Variants in CNGB3 observed in about 807,000 individuals in gnomAD.
The protein encoded by CNGB3 is cyclic nucleotide-gated channel beta-3.
A neutral mutation model predicts 92.8 loss-of-function variants in CNGB3; 86 were observed. The ratio of observed to expected loss-of-function variants is 0.93; its 90% CI spans 0.78 to 1.11. The LOEUF (loss-of-function observed/expected upper bound fraction) is 1.11, where lower values mean the gene tolerates loss of function less well. Among genes scored for constraint, CNGB3 ranks in the 50% least tolerant of loss-of-function variants. CNGB3 has a pLI of 0.00. For synonymous variants in CNGB3, 333 were observed against 332.7 expected, an observed-to-expected ratio of 1.00 and a Z score of -0.01; for missense variants, 1,026 against 956.8, an observed-to-expected ratio of 1.07 and a Z score of -0.95.
Position 86,662,475 on chromosome 8 carries a change from C to G in CNGB3, c.852+4450G>C, listed in dbSNP as rs1482924505. Among the ~76,000 whole-genome samples the G allele has an allele frequency of 2.6e-5, 4 of 152,168 alleles. No homozygotes were observed. The South Asian group carries it at 8.3e-4, about 31-fold the overall frequency. On this transcript the variant is annotated intron_variant, in intron 6 of 17. Coordinates refer to ENST00000320005, the MANE Select transcript of CNGB3 (RefSeq NM_019098.5). ...AGGGAAAAGTGAAGTGTGTGGACAA[C>G]CATTCATTTAATTCATTTGACAATC...
chr8:86,642,153 G>A (rs531690915), intron 10 of CNGB3, among the ~76,000 whole-genome samples: 211 of 151,572 alleles, frequency 1.4e-3, no homozygotes, highest in African/African-American at 4.6e-3. Flanking sequence ...ACAGAGAGGC[G>A]TCTAGGTGTA....
At chr8:86,592,504 A>T (rs1181791987) in intron 15 of CNGB3, among the ~76,000 whole-genome samples, 2 of 152,204 alleles carry the variant, frequency 1.3e-5, no homozygotes, top group South Asian at 2.1e-4. Flanking sequence ...TGATGAAGAA[A>T]TGAAGTCTCA....
chr8:86,583,241 AAT>A (rs1821826411), intron 15 of CNGB3, among the ~76,000 whole-genome samples: 1 of 152,142 alleles, frequency 6.6e-6, no homozygotes, highest in East Asian at 1.9e-4. Flanking sequence ...ACAACTGTTT[AAT>A]AAAGTGGTAA....
chr8:86,721,705 G>A (rs929444200), intron 3 of CNGB3, among the ~76,000 whole-genome samples: 2 of 152,136 alleles, frequency 1.3e-5, no homozygotes, highest in South Asian at 4.1e-4. Flanking sequence ...AAATTGGCAA[G>A]TGTGTAGCTG....
At chr8:86,711,134 A>G (rs1448428364) in intron 3 of CNGB3, among the ~76,000 whole-genome samples, 1 of 152,192 alleles carries the variant, frequency 6.6e-6, no homozygotes, top group Non-Finnish European at 1.5e-5. Flanking sequence ...CCCCTTTTCC[A>G]TATGGCAACC....
Position 86,668,095 on chromosome 8 carries a change from C to G in CNGB3, c.567G>C (p.Trp189Cys). The part of the protein sequence containing the change: ...KPTEHYYRLL[W>C]FKVKKMPLTE... Reference sequence around the variant, plus strand: ...TTAAAGGCATCTTTTTGACTTTGAACCACAACAGCCTGTAGTAATGTTCTG... The same window carrying G: ...TTAAAGGCATCTTTTTGACTTTGAAGCACAACAGCCTGTAGTAATGTTCTG... Residue 189 changes from tryptophan (W) to cysteine (C), a missense_variant, in exon 5 of 18, where the codon TGG becomes TGC. Transcript: ENST00000320005. 1 of 1,613,700 alleles carries G rather than the reference C, an allele frequency of 6.2e-7. No homozygotes were observed.
Position 86,634,964 on chromosome 8 carries a change from C to T in CNGB3, c.1179-2071G>A, listed in dbSNP as rs909623052. On this transcript the variant is annotated intron_variant, in intron 10 of 17. Transcript: ENST00000320005. The stretch of plus-strand genomic sequence containing the variant: ...AATACCTTTTGAAGGACATAGGACT[C>T]TTTTTTTTTTTTAACCTAGTTCCTT... 2.1e-4 allele frequency among the ~76,000 whole-genome samples: 30 copies of T among 144,288 alleles called. 1 individual carries two copies. Among genetic ancestry groups the T allele is most frequent in the Non-Finnish European group, 1.4e-4 (9 of 65,734 alleles). 94.7% of individuals were successfully genotyped at this position (144,288 alleles called of 152,430 possible).
intron 13 of CNGB3, among the ~76,000 whole-genome samples, chr8:86,622,290 A>C (rs1262785644): frequency 6.6e-6 from 1 of 152,080 alleles, no homozygotes; most frequent in East Asian, 1.9e-4. Flanking sequence ...TTAGTATATG[A>C]AACTTCTGCT....
chr8:86,731,373 C>G (rs1489019276), intron 2 of CNGB3, among the ~76,000 whole-genome samples: 2 of 152,104 alleles, frequency 1.3e-5, no homozygotes, highest in African/African-American at 4.8e-5. Flanking sequence ...GCCTTAAAGT[C>G]CTATAATGTC....
In CNGB3 at chr8:86,654,076, G is replaced by A. The variant is rs1353276134; in HGVS notation, c.853-14C>T. 7 of 1,546,586 alleles carry A rather than the reference G, an allele frequency of 4.5e-6. No homozygotes were observed. In the Admixed American group the frequency reaches 1.2e-4, roughly 26 times the overall value. ...ATTTGAATCCACCTGAAAGATATTT[G>A]TATTTTCATTAATTTTAGCCAATTT... is the stretch of plus-strand genomic sequence containing the variant. On this transcript the variant is annotated splice_polypyrimidine_tract_variant and intron_variant, in intron 6 of 17. Coordinates refer to ENST00000320005, the MANE Select transcript of CNGB3 (RefSeq NM_019098.5).
In CNGB3 at chr8:86,678,480, T is replaced by G. The variant is rs186689604; in HGVS notation, c.339-7382A>C. 1.1e-3 allele frequency among the ~76,000 whole-genome samples: 169 copies of G among 152,304 alleles called. 2 individuals carry two copies. Among genetic ancestry groups the G allele is most frequent in the Non-Finnish European group, 5.1e-4 (35 of 68,014 alleles). Reference sequence around the variant, plus strand: ...ACACATCAGTTTGTACATATGGTAATGTACATATGGATGTTATGATGCACA... The same window carrying G: ...ACACATCAGTTTGTACATATGGTAAGGTACATATGGATGTTATGATGCACA... On this transcript the variant is annotated intron_variant, in intron 3 of 17. Transcript: ENST00000320005.
intron 3 of CNGB3, among the ~76,000 whole-genome samples, chr8:86,702,720 C>A (rs1563760443): frequency 1.3e-5 from 2 of 152,054 alleles, no homozygotes; most frequent in Non-Finnish European, 2.9e-5. Context: ...AAGATGAATG[C>A]TTGCACATTT....
At chr8:86,730,878 G>A (rs961235962) in intron 2 of CNGB3, among the ~76,000 whole-genome samples, 1 of 152,082 alleles carries the variant, frequency 6.6e-6, no homozygotes, top group African/African-American at 2.4e-5. Context: ...TTCTGAAAGA[G>A]GGTTTTAAAA....
chr8:86,601,047 A>C (rs1461666044), intron 15 of CNGB3, among the ~76,000 whole-genome samples: 1 of 152,088 alleles, frequency 6.6e-6, no homozygotes, highest in African/African-American at 2.4e-5. Context: ...GGAAGCATAG[A>C]ATAAAGAGTA....
Position 86,628,931 on chromosome 8 carries a change from G to T in CNGB3, c.1468C>A (p.Gln490Lys). 6.2e-7 allele frequency: 1 copy of T among 1,613,832 alleles called. No homozygotes were observed. The highest frequency in any genetic ancestry group is 1.1e-5 in the South Asian group (1 of 91,082). ...CTGCCATGCTTACCTAGCATTCTTT[G>T]AGAGTCCCATGTATATTCATACCAA... is the stretch of plus-strand genomic sequence containing the variant. ...RTWYEYTWDSQRMLDESDLLK... is the reference protein window; with the variant it reads ...RTWYEYTWDSKRMLDESDLLK... The change falls in exon 12 of 18, where the codon CAA becomes AAA. Residue 490 changes from glutamine (Q) to lysine (K), a missense_variant. Physicochemically the swap from Gln to Lys is moderately conservative, Grantham distance 53. Coordinates refer to ENST00000320005, the MANE Select transcript of CNGB3 (RefSeq NM_019098.5).
chr8:86,679,475 A>C lies in CNGB3; in HGVS notation c.339-8377T>G, dbSNP rs572940605. The stretch of plus-strand genomic sequence containing the variant: ...TATGAAGTCATAAGGATAAGGCCCT[A>C]ATCTGATAGGATTGATAGGATTGGT... On this transcript the variant is annotated intron_variant, in intron 3 of 17. Coordinates refer to ENST00000320005, the MANE Select transcript of CNGB3 (RefSeq NM_019098.5). Among the ~76,000 whole-genome samples the C allele has an allele frequency of 2.6e-5, 4 of 152,154 alleles. No individual in the cohort carries two copies. The South Asian group carries it at 8.3e-4, about 32-fold the overall frequency.
intron 10 of CNGB3, among the ~76,000 whole-genome samples, chr8:86,638,383 C>CAT (rs1280763048): frequency 6.6e-6 from 1 of 152,128 alleles, no homozygotes; most frequent in African/African-American, 2.4e-5. Context: ...TAACACCTGG[C>CAT]ATTGTCATTA....
At chr8:86,587,873 T>G (rs931269959) in intron 15 of CNGB3, among the ~76,000 whole-genome samples, 3 of 152,180 alleles carry the variant, frequency 2.0e-5, no homozygotes, top group Admixed American at 2.0e-4. Flanking sequence ...AATTCTGTGA[T>G]GAAACGCATT....
At chr8:86,728,820 A>C (rs1825109137) in intron 2 of CNGB3, among the ~76,000 whole-genome samples, 1 of 152,186 alleles carries the variant, frequency 6.6e-6, no homozygotes, top group Admixed American at 6.6e-5. Context: ...ACTGATAAAG[A>C]ATATGAAATA....
Sources: allele counts gnomAD v4.1 joint callset (sites outside exome capture counted in the v4.1 genomes callset), GRCh38; gene constraint gnomAD v4.1.1; transcripts MANE v1.5; gene names NCBI Gene and HGNC (gene_info 2026-07-23, HGNC 2026-07-21).